The following PRKD1 variants were observed in gnomAD, a reference collection of about 807,000 sequenced individuals.
The protein encoded by PRKD1 is serine/threonine-protein kinase D1.
Under a neutral mutation model 95.9 loss-of-function variants are expected in PRKD1, and 63 were observed. The ratio of observed to expected loss-of-function variants is 0.66; its 90% CI spans 0.54 to 0.81. The LOEUF (loss-of-function observed/expected upper bound fraction) is 0.81. PRKD1 is among the 30% of genes least tolerant of loss of function. The pLI is 0.00. For missense variants in PRKD1, 1,048 were observed against 1,165.3 expected (o/e 0.90, Z 1.47); for synonymous variants, 425 against 423.1 (o/e 1.00, Z -0.05).
At chr14:29,594,190 C>A in intron 16 of PRKD1, 1 of 441,676 alleles carries the variant, frequency 2.3e-6, no homozygotes, top group South Asian at 1.6e-5. Flanking sequence ...AGAAAAAATA[C>A]ATAATAAAGA....
At chr14:29,805,565 C>T (rs775822512) in intron 1 of PRKD1, among the ~76,000 whole-genome samples, 7 of 152,194 alleles carry the variant, frequency 4.6e-5, no homozygotes, top group Non-Finnish European at 8.8e-5. Context: ...TTACTACGTG[C>T]CACGAATCGT....
At chr14:29,600,219 T>C (rs1893467388) in intron 13 of PRKD1, among the ~76,000 whole-genome samples, 2 of 152,166 alleles carry the variant, frequency 1.3e-5, no homozygotes, top group South Asian at 2.1e-4. Context: ...ATGAAATTCA[T>C]ACATGTAGTG....
intron 1 of PRKD1, among the ~76,000 whole-genome samples, chr14:29,857,002 C>T (rs1892530537): frequency 6.6e-6 from 1 of 152,098 alleles, no homozygotes; most frequent in Admixed American, 6.6e-5. Flanking sequence ...TCAAACAAAC[C>T]CAAGTGTGAT....
intron 1 of PRKD1, among the ~76,000 whole-genome samples, chr14:29,827,335 T>C (rs1891237444): frequency 6.6e-6 from 1 of 152,030 alleles, no homozygotes; most frequent in South Asian, 2.1e-4. Context: ...GTGAGGTAAA[T>C]ATTACTATCT....
intron 6 of PRKD1, among the ~76,000 whole-genome samples, chr14:29,637,818 G>A (rs1880483980): frequency 6.6e-6 from 1 of 152,122 alleles, no homozygotes; most frequent in South Asian, 2.1e-4. Flanking sequence ...AAGTATCTGT[G>A]ATCTTTTACA....
chr14:29,821,717 AC>A (rs1295951707), intron 1 of PRKD1, among the ~76,000 whole-genome samples: 5 of 152,248 alleles, frequency 3.3e-5, no homozygotes, highest in Non-Finnish European at 7.3e-5. Context: ...TTTAAAAATT[AC>A]TGATGGGCAA....
At chr14:29,905,369 T>A (rs1894459341) in intron 1 of PRKD1, among the ~76,000 whole-genome samples, 1 of 152,178 alleles carries the variant, frequency 6.6e-6, no homozygotes. Flanking sequence ...TGTCCTATGG[T>A]CTATAATCCA....
chr14:29,658,718 T>C lies in PRKD1; in HGVS notation c.696+4981A>G, dbSNP rs544709543. Among the ~76,000 whole-genome samples the C allele has an allele frequency of 4.6e-5, 7 of 152,342 alleles. No homozygotes were observed. The South Asian group carries it at 1.4e-3, about 32-fold the overall frequency. ...GGAAGATCATATAATTACAGTTTTGTATCTGTGATGAAACTACTGCAGGTG... is the reference window on the plus strand; with the variant it reads ...GGAAGATCATATAATTACAGTTTTGCATCTGTGATGAAACTACTGCAGGTG... On this transcript the variant is annotated intron_variant, in intron 4 of 17. Transcript: ENST00000331968.
chr14:29,596,853 C>T (rs1420944173), intron 16 of PRKD1, among the ~76,000 whole-genome samples: 1 of 152,098 alleles, frequency 6.6e-6, no homozygotes, highest in Admixed American at 6.6e-5. Flanking sequence ...TTTAAACAAT[C>T]TTTTGTCCTT....
At chr14:29,868,477 C>A (rs1313349847) in intron 1 of PRKD1, among the ~76,000 whole-genome samples, 1 of 152,102 alleles carries the variant, frequency 6.6e-6, no homozygotes, top group Non-Finnish European at 1.5e-5. Flanking sequence ...AAATAGTAGC[C>A]TTATGCTGTA....
intron 1 of PRKD1, among the ~76,000 whole-genome samples, chr14:29,769,262 T>C (rs1272313152): frequency 6.6e-6 from 1 of 152,120 alleles, no homozygotes; most frequent in Non-Finnish European, 1.5e-5. Flanking sequence ...CTCTCTTTTC[T>C]TTTTTAAATA....
At chr14:29,666,024 T>A (rs1036452466) in intron 3 of PRKD1, 53 bp downstream of exon 3, 1 of 1,502,942 alleles carries the variant, frequency 6.7e-7, no homozygotes, top group Admixed American at 1.9e-5. Flanking sequence ...TCTGCTGCGA[T>A]AAACACAGGA....
chr14:29,855,043 C>T (rs1367140052), intron 1 of PRKD1, among the ~76,000 whole-genome samples: 1 of 152,154 alleles, frequency 6.6e-6, no homozygotes, highest in Non-Finnish European at 1.5e-5. Context: ...GGGGCAGGGC[C>T]CTCATTGAGA....
intron 1 of PRKD1, among the ~76,000 whole-genome samples, chr14:29,731,200 C>T (rs574576762): frequency 6.6e-6 from 1 of 152,138 alleles, no homozygotes; most frequent in Admixed American, 6.5e-5. Context: ...TCTCTTTAAC[C>T]CATGGGTTAT....
chr14:29,804,588 T>TAAAAAA (rs10654939), intron 1 of PRKD1, among the ~76,000 whole-genome samples: 2 of 145,620 alleles, frequency 1.4e-5, no homozygotes, highest in Non-Finnish European at 1.5e-5. Flanking sequence ...ACAATCCAAC[T>TAAAAAA]AAAAAAAAAA....
intron 13 of PRKD1, among the ~76,000 whole-genome samples, chr14:29,607,024 G>A (rs1193652506): frequency 6.6e-6 from 1 of 152,184 alleles, no homozygotes; most frequent in Non-Finnish European, 1.5e-5. Flanking sequence ...TGATAGTAAT[G>A]TGTCAACTCA....
At chr14:29,769,413 T>C (rs1318233478) in intron 1 of PRKD1, among the ~76,000 whole-genome samples, 1 of 151,708 alleles carries the variant, frequency 6.6e-6, no homozygotes, top group Non-Finnish European at 1.5e-5. Flanking sequence ...CACAAAAAAT[T>C]AAAAAATTAG....
chr14:29,776,987 A>T (rs1454954162), intron 1 of PRKD1, among the ~76,000 whole-genome samples: 1 of 152,230 alleles, frequency 6.6e-6, no homozygotes, highest in East Asian at 1.9e-4. Flanking sequence ...GGGGGCCAAT[A>T]TTCAACATTC....
chr14:29,770,063 T>C (rs1888434198), intron 1 of PRKD1, among the ~76,000 whole-genome samples: 1 of 152,168 alleles, frequency 6.6e-6, no homozygotes, highest in Admixed American at 6.5e-5. Context: ...TCCACCATTG[T>C]GAGGATGTGG....
Sources: allele counts gnomAD v4.1 joint callset (sites outside exome capture counted in the v4.1 genomes callset), GRCh38; gene constraint gnomAD v4.1.1; transcripts MANE v1.5; gene names NCBI Gene and HGNC (gene_info 2026-07-23, HGNC 2026-07-21).